Variants in SLC9A9 observed in about 807,000 individuals in gnomAD.
The protein encoded by SLC9A9 is solute carrier family 9 member A9.
A neutral mutation model predicts 77.8 loss-of-function variants in SLC9A9; 62 were observed. The observed-to-expected ratio is 0.80, with a 90% CI of 0.65 to 0.98. SLC9A9 has a LOEUF of 0.98. Ranked by LOEUF, SLC9A9 falls within the 50% of genes least tolerant of loss-of-function variation. SLC9A9 has a pLI of 0.00. For synonymous variants in SLC9A9, 320 were observed against 283.5 expected, an observed-to-expected ratio of 1.13 and a Z score of -1.29; for missense variants, 775 against 774.9, an observed-to-expected ratio of 1.00 and a Z score of 0.00.
At chr3:143,526,694 T>C (rs1295042749) in intron 9 of SLC9A9, among the ~76,000 whole-genome samples, 1 of 152,150 alleles carries the variant, frequency 6.6e-6, no homozygotes, top group Non-Finnish European at 1.5e-5. Context: ...AACCTCCTAT[T>C]CTCTAATATT....
At chr3:143,357,348 T>C (rs1173750990) in intron 14 of SLC9A9, among the ~76,000 whole-genome samples, 2 of 152,138 alleles carry the variant, frequency 1.3e-5, no homozygotes, top group Non-Finnish European at 2.9e-5. Context: ...AGCAAGACTT[T>C]GTGAGGGTCA....
intron 1 of SLC9A9, among the ~76,000 whole-genome samples, chr3:143,845,162 A>T (rs2009805466): frequency 6.6e-6 from 1 of 152,250 alleles, no homozygotes; most frequent in Middle Eastern, 3.4e-3. Flanking sequence ...TGGAGGTTGA[A>T]TCCCACCTCA....
In SLC9A9 at chr3:143,448,758, T is replaced by C. The variant is rs528356264; in HGVS notation, c.1469+18279A>G. Among the ~76,000 whole-genome samples the C allele has an allele frequency of 6.1e-5, 9 of 147,356 alleles. No homozygotes were observed. The East Asian group carries it at 1.8e-3, about 29-fold the overall frequency. On this transcript the variant is annotated intron_variant, in intron 12 of 15. Transcript: ENST00000316549. ...AATAAAATAATCACAGTATCATTTA[T>C]AATAGTCTAAGATTATTCCAGTATA...
At chr3:143,577,758 C>A (rs1398528521) in intron 7 of SLC9A9, among the ~76,000 whole-genome samples, 3 of 152,212 alleles carry the variant, frequency 2.0e-5, no homozygotes, top group Non-Finnish European at 4.4e-5. Context: ...TTCTCTTTGC[C>A]TGGGGCCTTC....
chr3:143,339,887 C>G (rs1428889500), intron 14 of SLC9A9, among the ~76,000 whole-genome samples: 1 of 152,130 alleles, frequency 6.6e-6, no homozygotes, highest in Non-Finnish European at 1.5e-5. Flanking sequence ...TAAAAGGATG[C>G]TACTGCCCGA....
At chr3:143,424,852 G>A (rs1050007888) in intron 12 of SLC9A9, among the ~76,000 whole-genome samples, 55 of 152,168 alleles carry the variant, frequency 3.6e-4, no homozygotes, top group African/African-American at 1.3e-3. Flanking sequence ...CTAGGCCTAC[G>A]TTATCTGTGT....
At chr3:143,478,254 G>A (rs576811270) in intron 11 of SLC9A9, among the ~76,000 whole-genome samples, 20 of 152,308 alleles carry the variant, frequency 1.3e-4, no homozygotes, top group African/African-American at 4.3e-4. Context: ...TTCGACTTGT[G>A]GCATTTAAAA....
At chr3:143,503,588 C>T (rs2035961013) in intron 9 of SLC9A9, 1 of 429,186 alleles carries the variant, frequency 2.3e-6, no homozygotes, top group East Asian at 6.8e-5. Flanking sequence ...AAGGATATGC[C>T]AATGAGCTTC....
Position 143,656,685 on chromosome 3 carries a change from C to T in SLC9A9, c.650-4325G>A, listed in dbSNP as rs114258161. 4.6e-3 allele frequency among the ~76,000 whole-genome samples: 706 copies of T among 152,340 alleles called. 2 individuals carry two copies. The highest frequency in any genetic ancestry group is 8.4e-3 in the Non-Finnish European group (569 of 68,032). On this transcript the variant is annotated intron_variant, in intron 5 of 15. Coordinates refer to ENST00000316549, the MANE Select transcript of SLC9A9 (RefSeq NM_173653.4). ...CAACAACATACAATAGTTCCTACCCCTGTCCTCCTACGTTGTCATTCAGCC... is the reference window on the plus strand; with the variant it reads ...CAACAACATACAATAGTTCCTACCCTTGTCCTCCTACGTTGTCATTCAGCC...
At chr3:143,546,986 C>T (rs2036802022) in intron 9 of SLC9A9, among the ~76,000 whole-genome samples, 1 of 152,206 alleles carries the variant, frequency 6.6e-6, no homozygotes, top group Admixed American at 6.5e-5. Flanking sequence ...GTTCTTATCA[C>T]TGTCATCAGT....
Position 143,266,786 on chromosome 3 carries a change from CT to C in SLC9A9, c.1853del (p.Lys618ArgfsTer27). ...DQKASPQTPG[K>X]ENIYEGDLGL... ...CGAGGTCTCCCTCATAAATGTTTTCCTTGCCTGGCGTCTGGGGTGAAGCTTT... is the reference window on the plus strand; with the variant it reads ...CGAGGTCTCCCTCATAAATGTTTTCCTGCCTGGCGTCTGGGGTGAAGCTTT... On this transcript the variant is annotated frameshift_variant, in exon 16 of 16. Coordinates refer to ENST00000316549, the MANE Select transcript of SLC9A9 (RefSeq NM_173653.4). LOFTEE classifies it high-confidence loss of function. The C allele has an allele frequency of 6.2e-7, 1 of 1,614,174 alleles. No homozygotes were observed. The highest frequency in any genetic ancestry group is 1.1e-5 in the South Asian group (1 of 91,090).
intron 14 of SLC9A9, among the ~76,000 whole-genome samples, chr3:143,345,073 G>T (rs963574005): frequency 6.6e-6 from 1 of 152,140 alleles, no homozygotes; most frequent in African/African-American, 2.4e-5. Context: ...ACATGGATTA[G>T]GTTTGGAAGA....
intron 14 of SLC9A9, among the ~76,000 whole-genome samples, chr3:143,274,279 C>T (rs111641784): frequency 0.022 from 3,413 of 152,266 alleles, 66 homozygotes; most frequent in Middle Eastern, 0.061. Flanking sequence ...ATACTGTACC[C>T]TACACCCTTT....
intron 14 of SLC9A9, among the ~76,000 whole-genome samples, chr3:143,333,598 A>C (rs911443730): frequency 6.6e-6 from 1 of 152,216 alleles, no homozygotes; most frequent in African/African-American, 2.4e-5. Flanking sequence ...GTTTGGCTTT[A>C]GGAGGGGCAT....
chr3:143,532,228 C>T (rs2036520607), intron 9 of SLC9A9, among the ~76,000 whole-genome samples: 1 of 152,066 alleles, frequency 6.6e-6, no homozygotes, highest in African/African-American at 2.4e-5. Flanking sequence ...CAGGGAGAGC[C>T]CTGATTTGTA....
intron 12 of SLC9A9, among the ~76,000 whole-genome samples, chr3:143,416,059 G>A (rs2034186116): frequency 6.6e-6 from 1 of 152,156 alleles, no homozygotes; most frequent in Non-Finnish European, 1.5e-5. Flanking sequence ...AGATGTGGTA[G>A]AAATAACAAG....
At chr3:143,317,830 C>T (rs1260104716) in intron 14 of SLC9A9, among the ~76,000 whole-genome samples, 3 of 152,158 alleles carry the variant, frequency 2.0e-5, no homozygotes, top group South Asian at 2.1e-4. Flanking sequence ...CAGGTTCATG[C>T]GATTCTCCTG....
intron 4 of SLC9A9, among the ~76,000 whole-genome samples, chr3:143,725,704 G>A (rs13073338): frequency 0.9 from 117,528 of 131,098 alleles, 52,690 homozygotes; most frequent in East Asian, 1. Flanking sequence ...CATGGACACA[G>A]GAAGGGGAAC....
At chr3:143,296,241 CTGGAAACCACTATTCTCTCTT>C (rs1406679249) in intron 14 of SLC9A9, among the ~76,000 whole-genome samples, 1 of 152,170 alleles carries the variant, frequency 6.6e-6, no homozygotes, top group East Asian at 1.9e-4. Context: ...TCCCTAGCCT[CTGGAAACCACTATTCTCTCTT>C]TTTCTGTGAG....
Sources: gnomAD v4.1 joint callset for allele counts (sites outside exome capture counted in the v4.1 genomes callset) on GRCh38, gnomAD v4.1.1 for gene constraint, MANE v1.5 for transcripts, NCBI Gene and HGNC (gene_info 2026-07-23, HGNC 2026-07-21) for gene names.